BICRAL: variants seen among roughly 807,000 people sequenced by gnomAD.
BICRAL encodes BICRA like chromatin remodeling complex associated protein, also known as BRD4-interacting chromatin-remodeling complex-associated protein-like.
BICRAL carries 8 observed loss-of-function variants against 91.8 expected under a neutral mutation model. That is an observed-to-expected ratio of 0.09 (90% confidence interval 0.05 to 0.16). The LOEUF is 0.16. BICRAL is among the 10% of genes least tolerant of loss of function. The pLI is 1.00. For synonymous variants in BICRAL, 445 were observed against 491.1 expected (o/e 0.91, Z 1.24); for missense variants, 1,038 against 1,310.9 (o/e 0.79, Z 3.21).
intron 1 of BICRAL, among the ~76,000 whole-genome samples, chr6:42,805,765 G>C (rs1272954247): frequency 6.6e-6 from 1 of 152,092 alleles, no homozygotes; most frequent in Non-Finnish European, 1.5e-5. Flanking sequence ...ACTTTGGAAG[G>C]CCGAGACGGG....
intron 1 of BICRAL, among the ~76,000 whole-genome samples, chr6:42,748,454 C>G (rs904726624): frequency 3.3e-5 from 5 of 152,124 alleles, no homozygotes; most frequent in Admixed American, 3.3e-4. Context: ...TTGGCTGTAT[C>G]CCAAGTGGAA....
In BICRAL at chr6:42,828,505, A is replaced by C; in HGVS notation, c.172A>C (p.Lys58Gln). 1 of 1,611,642 alleles carries C rather than the reference A, an allele frequency of 6.2e-7. No individual in the cohort carries two copies. The highest frequency in any genetic ancestry group is 8.5e-7 in the Non-Finnish European group (1 of 1,178,750). Reference sequence around the variant, plus strand: ...TTTATTTTTTTAGAATGCTGATCCTAAGTCATCCCTCAAAGGTGTAAGCAA... The same window carrying C: ...TTTATTTTTTTAGAATGCTGATCCTCAGTCATCCCTCAAAGGTGTAAGCAA... Reference protein sequence around the residue: ...IFANSSNADPKSSLKGVSNQL... With the variant: ...IFANSSNADPQSSLKGVSNQL... The change falls in exon 6 of 13, where the codon AAG becomes CAG. Residue 58 changes from lysine (K) to glutamine (Q), a missense_variant. By Grantham distance (53) the Lys-to-Gln change is moderately conservative. Coordinates refer to ENST00000314073, the MANE Select transcript of BICRAL (RefSeq NM_001393499.1).
chr6:42,812,805 G>A (rs1281139824), intron 2 of BICRAL, among the ~76,000 whole-genome samples: 1 of 152,190 alleles, frequency 6.6e-6, no homozygotes, highest in Non-Finnish European at 1.5e-5. Flanking sequence ...GCCAAGGCAA[G>A]AGGATCGCTT....
intron 5 of BICRAL, among the ~76,000 whole-genome samples, chr6:42,826,822 T>C (rs1208301363): frequency 1.3e-5 from 2 of 151,958 alleles, no homozygotes; most frequent in Non-Finnish European, 2.9e-5. Flanking sequence ...GTTTCGCTCT[T>C]GTTGCCCAGG....
At chr6:42,840,104 G>T in intron 6 of BICRAL, among the ~76,000 whole-genome samples, 1 of 152,238 alleles carries the variant, frequency 6.6e-6, no homozygotes, top group South Asian at 2.1e-4. Flanking sequence ...ATGGGGTCTC[G>T]CTATGTTGTC....
chr6:42,830,147 G>A lies in BICRAL; in HGVS notation c.1814G>A (p.Gly605Glu). The A allele has an allele frequency of 6.2e-7, 1 of 1,614,072 alleles. No individual in the cohort carries two copies. Among genetic ancestry groups the A allele is most frequent in the Non-Finnish European group, 8.5e-7 (1 of 1,179,972 alleles). The change falls in exon 6 of 13, where the codon GGA becomes GAA. Residue 605 changes from glycine (G) to glutamate (E), a missense_variant. Physicochemically the swap from Gly to Glu is moderately conservative, Grantham distance 98. This residue lies in a region of BICRAL where 532 missense variants were observed against 724.9 expected (regional missense o/e 0.73). Transcript: ENST00000314073. Reference sequence around the variant, plus strand: ...ACCTTCAGTAACACACCTGGAACAGGAACCCAGCAACAATTCTTCTGCCAG... The same window carrying A: ...ACCTTCAGTAACACACCTGGAACAGAAACCCAGCAACAATTCTTCTGCCAG... ...TSTFSNTPGT[G>E]TQQQFFCQAQ...
At chr6:42,810,467 A>C (rs540314662) in intron 2 of BICRAL, 66 bp downstream of exon 2, 1 of 152,246 alleles carries the variant, frequency 6.6e-6, no homozygotes, top group South Asian at 2.1e-4. Context: ...GAACCATGCC[A>C]GAAGGTGAAG....
chr6:42,748,124 T>C (rs1010710599), intron 1 of BICRAL, among the ~76,000 whole-genome samples: 17 of 151,324 alleles, frequency 1.1e-4, no homozygotes, highest in Non-Finnish European at 2.2e-4. Flanking sequence ...TTTTTTTTTT[T>C]TCCAGAAAAG....
intron 6 of BICRAL, among the ~76,000 whole-genome samples, chr6:42,836,571 T>G (rs1365408847): frequency 6.6e-6 from 1 of 151,726 alleles, no homozygotes. Context: ...CCATTTAAAT[T>G]CCCGGGACAC....
Position 42,792,515 on chromosome 6 carries a change from C to G in BICRAL, c.-102+10414C>G, listed in dbSNP as rs529664543. 2.6e-5 allele frequency among the ~76,000 whole-genome samples: 4 copies of G among 151,910 alleles called. No homozygotes were observed. In the East Asian group the frequency reaches 5.8e-4, roughly 22 times the overall value. ...CTCAAACTCCTGGCCTCAAGCAGTC[C>G]TCCTGCCTCAGCCTCCCACAGTGTT... On this transcript the variant is annotated intron_variant, in intron 1 of 12. Coordinates refer to ENST00000314073, the MANE Select transcript of BICRAL (RefSeq NM_001393499.1).
upstream of BICRAL, among the ~76,000 whole-genome samples, chr6:42,777,460 A>T (rs979396295): frequency 2.6e-5 from 4 of 152,230 alleles, no homozygotes; most frequent in Non-Finnish European, 4.4e-5. Context: ...GTACATCTAT[A>T]TGTACAAATA....
At chr6:42,823,806 TC>T (rs745980184) in intron 5 of BICRAL, among the ~76,000 whole-genome samples, 37 of 152,054 alleles carry the variant, frequency 2.4e-4, no homozygotes, top group Non-Finnish European at 4.0e-4. Flanking sequence ...GCGCCTGTAA[TC>T]CCAGCTACTC....
chr6:42,799,795 CTT>C (rs1763514476), intron 1 of BICRAL, among the ~76,000 whole-genome samples: 1 of 152,196 alleles, frequency 6.6e-6, no homozygotes, highest in African/African-American at 2.4e-5. Context: ...TCTTTAAACT[CTT>C]TGTAGAAACT....
chr6:42,770,773 C>T (rs1163711414), intron 1 of BICRAL, among the ~76,000 whole-genome samples: 1 of 151,858 alleles, frequency 6.6e-6, no homozygotes, highest in African/African-American at 2.4e-5. Flanking sequence ...TCACTGTAGC[C>T]TCCACCTCCC....
At chr6:42,788,247 A>T (rs1314153891) in intron 1 of BICRAL, among the ~76,000 whole-genome samples, 4 of 120,754 alleles carry the variant, frequency 3.3e-5, no homozygotes, top group African/African-American at 9.8e-5. Flanking sequence ...TTTTTTGGAG[A>T]CAGTTTTGCT....
intron 2 of BICRAL, among the ~76,000 whole-genome samples, chr6:42,820,158 G>A (rs1349587379): frequency 6.6e-6 from 1 of 152,094 alleles, no homozygotes; most frequent in Non-Finnish European, 1.5e-5. Context: ...AACCCTTAGG[G>A]CACCTCATCA....
intron 1 of BICRAL, among the ~76,000 whole-genome samples, chr6:42,759,590 G>C (rs1301701761): frequency 6.6e-6 from 1 of 152,180 alleles, no homozygotes; most frequent in African/African-American, 2.4e-5. Context: ...GGTCTGTGGT[G>C]ATCTTGGTAC....
intron 5 of BICRAL, among the ~76,000 whole-genome samples, chr6:42,824,143 A>C (rs1340630106): frequency 1.3e-5 from 2 of 151,994 alleles, no homozygotes; most frequent in African/African-American, 4.8e-5. Context: ...AGGCAGGAGA[A>C]TCGCTTGAAC....
intron 1 of BICRAL, among the ~76,000 whole-genome samples, chr6:42,766,914 T>C (rs544300960): frequency 0.013 from 2,013 of 151,876 alleles, 53 homozygotes; most frequent in African/African-American, 0.047. Context: ...GTGGCAGGCG[T>C]CTGTAGTCCC....
Sources: gnomAD v4.1 joint callset for allele counts (sites outside exome capture counted in the v4.1 genomes callset) on GRCh38, gnomAD v4.1.1 for gene constraint, gnomAD v4.1.1 regional missense constraint, MANE v1.5 for transcripts, NCBI Gene and HGNC (gene_info 2026-07-23, HGNC 2026-07-21) for gene names.